SEL1L3: variants seen among roughly 807,000 people sequenced by gnomAD.
SEL1L3 encodes SEL1L family member 3.
In SEL1L3, 76 loss-of-function variants were observed where a neutral mutation model predicts 142.8. The ratio of observed to expected loss-of-function variants is 0.53; its 90% CI spans 0.44 to 0.64. The LOEUF (loss-of-function observed/expected upper bound fraction) is 0.64, where lower values mean the gene tolerates loss of function less well. Among genes scored for constraint, SEL1L3 ranks in the 30% least tolerant of loss-of-function variants. The pLI is 0.00. For synonymous variants in SEL1L3, 504 were observed against 519.6 expected (o/e 0.97, Z 0.41); for missense variants, 1,262 against 1,381.7 (o/e 0.91, Z 1.37).
chr4:25,764,800 T>C (rs1360981620), intron 20 of SEL1L3, among the ~76,000 whole-genome samples: 1 of 152,108 alleles, frequency 6.6e-6, no homozygotes, highest in Non-Finnish European at 1.5e-5. Context: ...CCCCACAGGA[T>C]TATGTGAGAA....
chr4:25,815,867 T>TGG (rs35511602), intron 9 of SEL1L3, among the ~76,000 whole-genome samples: 45 of 147,038 alleles, frequency 3.1e-4, no homozygotes, highest in East Asian at 6.0e-4. Flanking sequence ...GGAGGGATAT[T>TGG]GGGGGGGGTG....
chr4:25,779,475 C>T (rs185774373), intron 15 of SEL1L3, among the ~76,000 whole-genome samples: 70 of 152,308 alleles, frequency 4.6e-4, no homozygotes, highest in African/African-American at 1.4e-3. Flanking sequence ...TCATTTGATC[C>T]TCACATAACC....
At chr4:25,717,511 C>CA in the SEL1L3 span, among the ~76,000 whole-genome samples, 9 of 151,818 alleles carry the variant, frequency 5.9e-5, no homozygotes, top group African/African-American at 2.2e-4. Flanking sequence ...ACTAAAAATA[C>CA]AAAAAATTGC....
At chr4:25,773,682 T>C (rs1719397739) in intron 17 of SEL1L3, 1 of 152,154 alleles carries the variant, frequency 6.6e-6, no homozygotes, top group Non-Finnish European at 1.5e-5. Context: ...AATAAAAAAC[T>C]ATTGATGGCT....
chr4:25,735,636 C>T, the SEL1L3 span, among the ~76,000 whole-genome samples: 1 of 151,106 alleles, frequency 6.6e-6, no homozygotes, highest in African/African-American at 2.4e-5. Flanking sequence ...AACTTGTTTT[C>T]TTATAAACAT....
Position 25,833,031 on chromosome 4 carries a change from C to T in SEL1L3, c.1062G>A (p.Glu354=). 1 of 1,611,674 alleles carries T rather than the reference C, an allele frequency of 6.2e-7. No homozygotes were observed. Among genetic ancestry groups the T allele is most frequent in the Non-Finnish European group, 8.5e-7 (1 of 1,177,868 alleles). ...VKTKFIIPLK[E]WFRLDISFNG... The stretch of plus-strand genomic sequence containing the variant: ...TAAAAGAGATATCCAGTCGAAACCA[C>T]TCCTTCAAAGGTATGATGAATTTAG... The change falls in exon 5 of 24, where the codon GAG becomes GAA. Residue 354 remains glutamate (E), a synonymous_variant. Transcript: ENST00000399878.
the SEL1L3 span, among the ~76,000 whole-genome samples, chr4:25,722,584 G>A: frequency 3.3e-3 from 491 of 148,984 alleles, 2 homozygotes; most frequent in Middle Eastern, 0.025. Flanking sequence ...ACACCATTTC[G>A]ATCATAAGAG....
At chr4:25,801,369 T>C (rs1033764253) in intron 11 of SEL1L3, among the ~76,000 whole-genome samples, 1 of 152,198 alleles carries the variant, frequency 6.6e-6, no homozygotes, top group African/African-American at 2.4e-5. Flanking sequence ...CGCCACTGCC[T>C]TCCAGCCTGG....
chr4:25,757,668 C>T lies in SEL1L3; in HGVS notation c.3186+20G>A, dbSNP rs539225334. ...AGGGCAGGGGCCACAAGGGTGGGGC[C>T]GGTGGGACATGAAACCTACCAGGGC... On this transcript the variant is annotated intron_variant, in intron 22 of 23. Transcript: ENST00000399878. 21 of 1,570,894 alleles carry T rather than the reference C, an allele frequency of 1.3e-5. No individual in the cohort carries two copies. The highest frequency in any genetic ancestry group is 2.4e-5 in the East Asian group (1 of 42,532).
Position 25,748,482 on chromosome 4 carries a change from T to G in SEL1L3, c.3342A>C (p.Ala1114=), listed in dbSNP as rs1717381764. Residue 1114 remains alanine, a synonymous_variant, in exon 24 of 24, where the codon GCA becomes GCC. Coordinates refer to ENST00000399878, the MANE Select transcript of SEL1L3 (RefSeq NM_015187.5). ...TGGGCTGGTCTTGGTCAGAGGCATC[T>G]GCAGCTGGAGTCACAGCTGGACTTG... ...STASPAVTPA[A]DASDQDQPTV... 1 of 1,611,804 alleles carries G rather than the reference T, an allele frequency of 6.2e-7. No homozygotes were observed. The highest frequency in any genetic ancestry group is 1.7e-5 in the Admixed American group (1 of 59,672).
intron 9 of SEL1L3, 96 bp from the exon 10 acceptor site, chr4:25,804,848 A>G: frequency 1.1e-6 from 1 of 902,686 alleles, no homozygotes; most frequent in Non-Finnish European, 1.8e-6. Context: ...CACCTGAGTT[A>G]TTGATATGGT....
chr4:25,822,726 T>C (rs1714842220), intron 6 of SEL1L3, among the ~76,000 whole-genome samples: 1 of 151,846 alleles, frequency 6.6e-6, no homozygotes, highest in Non-Finnish European at 1.5e-5. Context: ...AGGTGATGAG[T>C]TGGAGGACCA....
In SEL1L3 at chr4:25,804,678, TAG is replaced by T. The variant is rs2109225134; in HGVS notation, c.1637_1638del (p.Ser546Ter). 1.2e-6 allele frequency: 2 copies of T among 1,613,848 alleles called. No homozygotes were observed. Among genetic ancestry groups the T allele is most frequent in the Non-Finnish European group, 1.7e-6 (2 of 1,179,708 alleles). ...CTAATTTGGTGAAGACCATCAATGC[TAG>T]AGAGTCTCTTTACAGCCTTCTCAAA... ...KIFEKAVKRL[S>X]SIDGLHQISS... On this transcript the variant is annotated frameshift_variant, in exon 10 of 24. Coordinates refer to ENST00000399878, the MANE Select transcript of SEL1L3 (RefSeq NM_015187.5). LOFTEE classifies it high-confidence loss of function.
chr4:25,839,074 C>A (rs769188867), intron 2 of SEL1L3, among the ~76,000 whole-genome samples: 2 of 152,108 alleles, frequency 1.3e-5, no homozygotes, highest in Non-Finnish European at 1.5e-5. Flanking sequence ...GGGAAAGAAG[C>A]GAAGATTTCT....
chr4:25,773,739 A>T (rs1719402281), intron 17 of SEL1L3, among the ~76,000 whole-genome samples: 1 of 152,234 alleles, frequency 6.6e-6, no homozygotes, highest in Admixed American at 6.5e-5. Context: ...AATTCCATGA[A>T]GTAGCACCTC....
At chr4:25,741,635 G>A in the SEL1L3 span, among the ~76,000 whole-genome samples, 2 of 151,950 alleles carry the variant, frequency 1.3e-5, no homozygotes, top group Non-Finnish European at 1.5e-5. Flanking sequence ...GATACTTCAG[G>A]TGTGGGATGT....
In SEL1L3 at chr4:25,767,954, T is replaced by C. The variant is rs974068349; in HGVS notation, c.2670-124A>G. 18 of 633,428 alleles carry C rather than the reference T, an allele frequency of 2.8e-5. No homozygotes were observed. In the African/African-American group the frequency reaches 3.0e-4, roughly 10 times the overall value. The allele number at this position is 633,428 out of a possible 1,614,324, so 39.2% of individuals were successfully genotyped here. A position where few individuals can be genotyped will look rare whatever the true frequency, so the allele number is the denominator to read the frequency against. ...TTTTTTTAAAAAAACCACAAAATCG[T>C]GAGTTTTTTTAAAAATAAATATTGT... is the stretch of plus-strand genomic sequence containing the variant. On this transcript the variant is annotated intron_variant, in intron 17 of 23. Coordinates refer to ENST00000399878, the MANE Select transcript of SEL1L3 (RefSeq NM_015187.5).
chr4:25,785,327 T>C (rs1447480389), intron 13 of SEL1L3, among the ~76,000 whole-genome samples: 1 of 152,234 alleles, frequency 6.6e-6, no homozygotes, highest in Non-Finnish European at 1.5e-5. Context: ...GTGCTGCTGT[T>C]ATTCTCATCT....
chr4:25,816,723 G>T (rs767380875), intron 9 of SEL1L3, among the ~76,000 whole-genome samples: 1 of 152,074 alleles, frequency 6.6e-6, no homozygotes, highest in Non-Finnish European at 1.5e-5. Context: ...CTTCAGGATG[G>T]TGTCTGAGCT....
Sources: gnomAD v4.1 joint callset for allele counts (sites outside exome capture counted in the v4.1 genomes callset) on GRCh38, gnomAD v4.1.1 for gene constraint, MANE v1.5 for transcripts, NCBI Gene and HGNC (gene_info 2026-07-23, HGNC 2026-07-21) for gene names.